Variants in BBOX1 observed in about 807,000 individuals in gnomAD.
The protein encoded by BBOX1 is gamma-butyrobetaine hydroxylase 1.
BBOX1 carries 35 observed loss-of-function variants against 41.6 expected under a neutral mutation model. The observed-to-expected ratio is 0.84, with a 90% CI of 0.64 to 1.11. BBOX1 has a LOEUF of 1.11. Ranked by LOEUF, BBOX1 falls within the 50% of genes most tolerant of loss-of-function variation. BBOX1 has a pLI of 0.00. For synonymous variants in BBOX1, 163 were observed against 154.7 expected (o/e 1.05, Z -0.40); for missense variants, 458 against 460.6 (o/e 0.99, Z 0.05).
At chr11:27,055,769 G>A (rs184088604) in intron 3 of BBOX1, 120 bp downstream of exon 3, 161 of 808,382 alleles carry the variant, frequency 2.0e-4, no homozygotes, top group Middle Eastern at 1.4e-3. Flanking sequence ...ATGAACCCAC[G>A]TTTGTATAGT....
intron 5 of BBOX1, among the ~76,000 whole-genome samples, chr11:27,110,145 C>T (rs184416031): frequency 6.6e-6 from 1 of 151,836 alleles, no homozygotes; most frequent in African/African-American, 2.4e-5. Flanking sequence ...AGTTCAAATC[C>T]AATCATTCTC....
chr11:27,063,671 A>T (rs990720279), intron 4 of BBOX1, among the ~76,000 whole-genome samples: 3 of 148,994 alleles, frequency 2.0e-5, no homozygotes, highest in Non-Finnish European at 3.0e-5. Context: ...AAAAAAAAAA[A>T]GAATATTTCC....
intron 5 of BBOX1, among the ~76,000 whole-genome samples, chr11:27,099,058 T>C (rs1165431321): frequency 6.6e-6 from 1 of 151,944 alleles, no homozygotes; most frequent in Non-Finnish European, 1.5e-5. Context: ...AAGTAAGATA[T>C]TGTAGACTTC....
chr11:27,084,901 G>A (rs973469194), intron 4 of BBOX1, among the ~76,000 whole-genome samples: 8 of 152,104 alleles, frequency 5.3e-5, no homozygotes, highest in African/African-American at 1.9e-4. Context: ...GTATTTATTA[G>A]TAAGACCATA....
intron 5 of BBOX1, among the ~76,000 whole-genome samples, chr11:27,110,288 AATTCTTT>A (rs1336324008): frequency 6.6e-6 from 1 of 151,970 alleles, no homozygotes; most frequent in Non-Finnish European, 1.5e-5. Flanking sequence ...TGGCTAGAGC[AATTCTTT>A]GAAACTACAA....
At chr11:27,110,613 G>C (rs949952777) in intron 5 of BBOX1, among the ~76,000 whole-genome samples, 1 of 151,886 alleles carries the variant, frequency 6.6e-6, no homozygotes, top group Admixed American at 6.6e-5. Context: ...TTGGGTTTCT[G>C]TGGGGAAAAT....
rs201240605 is a variant in BBOX1, at chr11:27,125,776, T to A, written c.959T>A (p.Leu320His). The A allele has an allele frequency of 3.6e-5, 58 of 1,613,182 alleles. No individual in the cohort carries two copies. The highest frequency in any genetic ancestry group is 1.3e-4 in the Admixed American group (8 of 59,800). Residue 320 changes from leucine (L) to histidine (H), a missense_variant, in exon 8 of 9, where the codon CTC (leucine) becomes CAC (histidine). Leu to His is a moderately conservative substitution (Grantham distance 99). Transcript: ENST00000263182. ...FYAALKEFVDLMNSKESKFTF... is the reference protein window; with the variant it reads ...FYAALKEFVDHMNSKESKFTF... Reference sequence around the variant, plus strand: ...GCTGCTCTGAAGGAGTTTGTTGACCTCATGAACAGCAAAGAATCCAAGTTT... The same window carrying A: ...GCTGCTCTGAAGGAGTTTGTTGACCACATGAACAGCAAAGAATCCAAGTTT...
chr11:27,069,734 C>T (rs1857387304), intron 4 of BBOX1, among the ~76,000 whole-genome samples: 1 of 152,016 alleles, frequency 6.6e-6, no homozygotes, highest in African/African-American at 2.4e-5. Flanking sequence ...TTTAACTTTT[C>T]TCCATTCAGT....
At chr11:27,057,592 A>T (rs907730203) in intron 4 of BBOX1, among the ~76,000 whole-genome samples, 2 of 152,184 alleles carry the variant, frequency 1.3e-5, no homozygotes, top group African/African-American at 4.8e-5. Flanking sequence ...ACAGCATACC[A>T]CAGACACTCC....
At chr11:27,114,870 T>C (rs1859199639) in intron 5 of BBOX1, among the ~76,000 whole-genome samples, 1 of 151,910 alleles carries the variant, frequency 6.6e-6, no homozygotes, top group Non-Finnish European at 1.5e-5. Context: ...ATTAAAAGCA[T>C]GAGCTTACTA....
At chr11:27,077,104 G>T (rs1231640744) in intron 4 of BBOX1, among the ~76,000 whole-genome samples, 2 of 152,090 alleles carry the variant, frequency 1.3e-5, no homozygotes, top group African/African-American at 4.8e-5. Context: ...AAGGGTGTTT[G>T]TCTGCACTTG....
At chr11:27,114,474 C>T (rs1349558928) in intron 5 of BBOX1, among the ~76,000 whole-genome samples, 1 of 151,794 alleles carries the variant, frequency 6.6e-6, no homozygotes, top group Non-Finnish European at 1.5e-5. Context: ...TTAAAAGACT[C>T]ATACTTCCTG....
chr11:27,112,883 A>G (rs1346054719), intron 5 of BBOX1, among the ~76,000 whole-genome samples: 8 of 151,942 alleles, frequency 5.3e-5, no homozygotes, highest in African/African-American at 1.7e-4. Context: ...TATAGAATGG[A>G]ATAAAATATT....
At position 27,055,470 on chromosome 11, in the gene BBOX1, G is replaced by C; in HGVS notation, c.40G>C (p.Ala14Pro). ...CCAAAAGGCAGAAGCACTTGACGGG[G>C]CTCATTTGATGCAGATCCTCTGGTA... ...TIQKAEALDG[A>P]HLMQILWYDE... Residue 14 changes from alanine to proline, a missense_variant, in exon 3 of 9, where the codon GCT (alanine) becomes CCT (proline). Transcript: ENST00000263182. 2 of 1,614,096 alleles carry C rather than the reference G, an allele frequency of 1.2e-6. No homozygotes were observed. Among genetic ancestry groups the C allele is most frequent in the Non-Finnish European group, 1.7e-6 (2 of 1,180,028 alleles).
intron 4 of BBOX1, among the ~76,000 whole-genome samples, chr11:27,067,740 G>A (rs1319014600): frequency 6.6e-6 from 1 of 151,792 alleles, no homozygotes; most frequent in African/African-American, 2.4e-5. Flanking sequence ...CAGCCTGTAC[G>A]ACAGAGCGAG....
At chr11:27,087,994 TATGGTTAACTTTACACATCTAAAAGATA>T (rs1858102736) in intron 4 of BBOX1, among the ~76,000 whole-genome samples, 1 of 152,074 alleles carries the variant, frequency 6.6e-6, no homozygotes, top group Admixed American at 6.6e-5. Flanking sequence ...TTTGTGTGAA[TATGGTTAACTTTACACATCTAAAAGATA>T]ATATATTTTT....
chr11:27,055,381 G>C lies in BBOX1; in HGVS notation c.-38-12G>C, dbSNP rs1433697903. The C allele has an allele frequency of 1.9e-6, 3 of 1,573,558 alleles. No homozygotes were observed. Among genetic ancestry groups the C allele is most frequent in the Non-Finnish European group, 2.6e-6 (3 of 1,147,404 alleles). ...TCTGCCTGAGATTCCTTTTAACACT[G>C]ATTTGTCATAGCAGGTAGCTGACAG... On this transcript the variant is annotated splice_polypyrimidine_tract_variant and intron_variant, in intron 2 of 8. Coordinates refer to ENST00000263182, the MANE Select transcript of BBOX1 (RefSeq NM_003986.3).
At chr11:27,090,719 CT>C (rs1858214583) in intron 4 of BBOX1, among the ~76,000 whole-genome samples, 1 of 151,852 alleles carries the variant, frequency 6.6e-6, no homozygotes, top group South Asian at 2.1e-4. Flanking sequence ...ACTAGTAAGC[CT>C]GAGGGTACTT....
intron 2 of BBOX1, 38 bp from the exon 3 acceptor site, chr11:27,055,355 A>C: frequency 6.9e-7 from 1 of 1,458,042 alleles, no homozygotes; most frequent in Non-Finnish European, 9.5e-7. Flanking sequence ...TTTAGATCTT[A>C]TCTGCCTGAG....
Sources: gnomAD v4.1 joint callset for allele counts (sites outside exome capture counted in the v4.1 genomes callset) on GRCh38, gnomAD v4.1.1 for gene constraint, MANE v1.5 for transcripts, NCBI Gene and HGNC (gene_info 2026-07-23, HGNC 2026-07-21) for gene names.